Variants in SLC5A4 observed in about 807,000 individuals in gnomAD.
The protein encoded by SLC5A4 is probable glucose sensor protein SLC5A4.
A neutral mutation model predicts 70.3 loss-of-function variants in SLC5A4; 55 were observed. The ratio of observed to expected loss-of-function variants is 0.78; its 90% CI spans 0.63 to 0.98. The LOEUF (loss-of-function observed/expected upper bound fraction) is 0.98. Among genes scored for constraint, SLC5A4 ranks in the 50% least tolerant of loss-of-function variants. The pLI is 0.00. For missense variants in SLC5A4, 735 were observed against 839.2 expected (o/e 0.88, Z 1.53); for synonymous variants, 268 against 305.7 (o/e 0.88, Z 1.29).
At chr22:32,237,136 G>T (rs1376772620) in intron 7 of SLC5A4, 108 bp downstream of exon 7, 14 of 754,608 alleles carry the variant, frequency 1.9e-5, no homozygotes, top group Non-Finnish European at 3.3e-5. Flanking sequence ...ACTGGAAAGT[G>T]TGACCAGATG....
the SLC5A4 span, among the ~76,000 whole-genome samples, chr22:32,337,919 A>C: frequency 6.8e-6 from 1 of 146,072 alleles, no homozygotes; most frequent in East Asian, 2.2e-4. Flanking sequence ...CCTCTGTTCA[A>C]TACAATGTAT....
intron 8 of SLC5A4, among the ~76,000 whole-genome samples, chr22:32,233,924 C>T (rs1180741658): frequency 6.6e-6 from 1 of 150,758 alleles, no homozygotes; most frequent in Non-Finnish European, 1.5e-5. Context: ...CTGTGAATTA[C>T]ATTCAGGTAG....
intron 13 of SLC5A4, among the ~76,000 whole-genome samples, chr22:32,224,064 G>A (rs1157211985): frequency 6.6e-6 from 1 of 152,070 alleles, no homozygotes; most frequent in Non-Finnish European, 1.5e-5. Context: ...GGGATTACAG[G>A]TGCCCACCAC....
intron 13 of SLC5A4, among the ~76,000 whole-genome samples, chr22:32,221,677 T>C (rs1057330911): frequency 6.6e-6 from 1 of 152,232 alleles, no homozygotes; most frequent in Non-Finnish European, 1.5e-5. Context: ...TATGTACTGA[T>C]TGGACACAAG....
chr22:32,307,169 G>T, the SLC5A4 span, among the ~76,000 whole-genome samples: 1 of 20,912 alleles, frequency 4.8e-5, no homozygotes. Flanking sequence ...CCTACTGGAG[G>T]GTTGTGAACC....
chr22:32,311,421 G>C, the SLC5A4 span, among the ~76,000 whole-genome samples: 6 of 152,022 alleles, frequency 3.9e-5, no homozygotes, highest in African/African-American at 1.4e-4. Context: ...TGGAATGAGT[G>C]TGTCTACACT....
At chr22:32,344,470 C>T in the SLC5A4 span, among the ~76,000 whole-genome samples, 2 of 152,014 alleles carry the variant, frequency 1.3e-5, no homozygotes, top group Admixed American at 6.6e-5. Flanking sequence ...TTTATGTACA[C>T]GTACATAAAG....
At chr22:32,220,066 T>G (rs1304644900) in intron 14 of SLC5A4, among the ~76,000 whole-genome samples, 1 of 151,638 alleles carries the variant, frequency 6.6e-6, no homozygotes, top group Non-Finnish European at 1.5e-5. Context: ...CACACAGCCC[T>G]TATGGTATTA....
intron 14 of SLC5A4, among the ~76,000 whole-genome samples, chr22:32,220,693 TA>T (rs1205169316): frequency 1.3e-5 from 2 of 152,194 alleles, no homozygotes; most frequent in African/African-American, 4.8e-5. Context: ...GTCATCTCAG[TA>T]ACTATGGATG....
At chr22:32,251,149 CAA>C (rs1169115054) in intron 3 of SLC5A4, among the ~76,000 whole-genome samples, 2,484 of 22,598 alleles carry the variant, frequency 0.11, 22 homozygotes, top group Admixed American at 0.13. Flanking sequence ...AACAAATAAG[CAA>C]AAAAAAAAAA....
At chr22:32,312,365 G>GCGCACACACACA in the SLC5A4 span, among the ~76,000 whole-genome samples, 705 of 102,200 alleles carry the variant, frequency 6.9e-3, 9 homozygotes, top group African/African-American at 0.021. Flanking sequence ...ACGCGCGCGC[G>GCGCACACACACA]CACACACACA....
the SLC5A4 span, among the ~76,000 whole-genome samples, chr22:32,351,397 G>A: frequency 1.1e-4 from 16 of 151,396 alleles, no homozygotes; most frequent in African/African-American, 2.4e-4. Context: ...ATAACGGACC[G>A]ATCATTTTTA....
At chr22:32,272,577 A>T in the SLC5A4 span, 5 of 630,036 alleles carry the variant, frequency 7.9e-6, no homozygotes, top group Admixed American at 2.7e-5. Context: ...CGTGGACTTC[A>T]TGGTAGACAA....
intron 3 of SLC5A4, among the ~76,000 whole-genome samples, chr22:32,249,243 T>C (rs1927006602): frequency 6.6e-6 from 1 of 152,010 alleles, no homozygotes; most frequent in African/African-American, 2.4e-5. Flanking sequence ...TTACAGAGAG[T>C]CTTCACATAG....
chr22:32,301,525 A>G, the SLC5A4 span, among the ~76,000 whole-genome samples: 1 of 152,238 alleles, frequency 6.6e-6, no homozygotes, highest in African/African-American at 2.4e-5. Context: ...AAAAGGTCTA[A>G]ATAAATAAAA....
At chr22:32,246,097 T>G (rs1926813003) in intron 5 of SLC5A4, among the ~76,000 whole-genome samples, 2 of 152,242 alleles carry the variant, frequency 1.3e-5, no homozygotes, top group Admixed American at 1.3e-4. Flanking sequence ...TAGTTCAGCA[T>G]GTATTTTAGT....
At chr22:32,348,405 T>G in the SLC5A4 span, among the ~76,000 whole-genome samples, 1 of 152,114 alleles carries the variant, frequency 6.6e-6, no homozygotes, top group Non-Finnish European at 1.5e-5. Flanking sequence ...TGGCCTTCTG[T>G]GCTGAGTCTG....
the SLC5A4 span, among the ~76,000 whole-genome samples, chr22:32,312,386 C>CACAT: frequency 0.095 from 14,219 of 150,180 alleles, 806 homozygotes; most frequent in African/African-American, 0.15. Context: ...CACACACACA[C>CACAT]GCACATTCAA....
At chr22:32,307,637 C>A in the SLC5A4 span, among the ~76,000 whole-genome samples, 2 of 152,160 alleles carry the variant, frequency 1.3e-5, no homozygotes, top group Non-Finnish European at 2.9e-5. Flanking sequence ...GGTCACAACC[C>A]CCAAAGTTGT....
Sources: allele counts gnomAD v4.1 joint callset (sites outside exome capture counted in the v4.1 genomes callset), GRCh38; gene constraint gnomAD v4.1.1; transcripts MANE v1.5; gene names NCBI Gene and HGNC (gene_info 2026-07-23, HGNC 2026-07-21).